The following DGKI variants were observed in gnomAD, a reference collection of about 807,000 sequenced individuals.
DGKI encodes diacylglycerol kinase iota.
In DGKI, 55 loss-of-function variants were observed where a neutral mutation model predicts 147.5. That is an observed-to-expected ratio of 0.37 (90% CI 0.30 to 0.47). The LOEUF (loss-of-function observed/expected upper bound fraction) is 0.47. DGKI is among the 20% of genes least tolerant of loss of function. The pLI is 1.00. For synonymous variants in DGKI, 469 were observed against 477.1 expected, an observed-to-expected ratio of 0.98 and a Z score of 0.22; for missense variants, 1,007 against 1,323.8, an observed-to-expected ratio of 0.76 and a Z score of 3.71.
chr7:137,535,802 C>T (rs1817498534), intron 20 of DGKI, among the ~76,000 whole-genome samples: 1 of 152,118 alleles, frequency 6.6e-6, no homozygotes, highest in African/African-American at 2.4e-5. Context: ...GATTGCCGAG[C>T]TCTGGGTGGA....
At chr7:137,401,463 C>T (rs1811758013) in intron 30 of DGKI, among the ~76,000 whole-genome samples, 1 of 151,830 alleles carries the variant, frequency 6.6e-6, no homozygotes, top group African/African-American at 2.4e-5. Context: ...CCCAGGAGAT[C>T]AAAGTTACAG....
intron 1 of DGKI, among the ~76,000 whole-genome samples, chr7:137,752,042 C>T (rs928973743): frequency 2.0e-5 from 3 of 152,164 alleles, no homozygotes; most frequent in Admixed American, 1.3e-4. Context: ...CATACAATCA[C>T]TACATTTCAG....
intron 1 of DGKI, among the ~76,000 whole-genome samples, chr7:137,710,869 C>T (rs891621381): frequency 1.3e-5 from 2 of 152,030 alleles, no homozygotes; most frequent in Non-Finnish European, 2.9e-5. Flanking sequence ...ATGTTTTCTA[C>T]AACTAATAGA....
chr7:137,631,487 C>T (rs1488173884), intron 6 of DGKI, among the ~76,000 whole-genome samples: 1 of 152,068 alleles, frequency 6.6e-6, no homozygotes, highest in Non-Finnish European at 1.5e-5. Flanking sequence ...GGTGAAGAGG[C>T]TGCTAAGAGT....
Position 137,507,491 on chromosome 7 carries a change from A to T in DGKI, c.2248+14375T>A, listed in dbSNP as rs996161182. ...AACATAAGGAACATGCAACTCACTTAAAAAAAATCCTCTTAAATGCTTATG... is the reference window on the plus strand; with the variant it reads ...AACATAAGGAACATGCAACTCACTTTAAAAAAATCCTCTTAAATGCTTATG... On this transcript the variant is annotated intron_variant, in intron 21 of 32. Coordinates refer to ENST00000614521, the MANE Select transcript of DGKI (RefSeq NM_001321708.2). Among the ~76,000 whole-genome samples, 75 of 152,174 alleles carry T rather than the reference A, an allele frequency of 4.9e-4. 1 individual carries two copies. Among genetic ancestry groups the T allele is most frequent in the Middle Eastern group, 3.4e-3 (1 of 294 alleles).
rs755141378 is a variant in DGKI at position 137,444,121 on chromosome 7, C to T, written c.2736-19G>A. On this transcript the variant is annotated intron_variant, in intron 27 of 32. Coordinates refer to ENST00000614521, the MANE Select transcript of DGKI (RefSeq NM_001321708.2). ...TGGTGACCTAAAAGGAAATAATAAG[C>T]ATGATCAATATTTTATATGATAATT... is the stretch of plus-strand genomic sequence containing the variant. 7.3e-7 allele frequency: 1 copy of T among 1,368,696 alleles called. No homozygotes were observed. The highest frequency in any genetic ancestry group is 1.0e-6 in the Non-Finnish European group (1 of 988,642). The allele number at this position is 1,368,696 out of a possible 1,614,324, so 84.8% of individuals were successfully genotyped here.
At chr7:137,755,082 A>G (rs564903738) in intron 1 of DGKI, among the ~76,000 whole-genome samples, 7 of 152,194 alleles carry the variant, frequency 4.6e-5, no homozygotes, top group African/African-American at 1.4e-4. Flanking sequence ...TGCTCACACA[A>G]TTACATATGT....
intron 21 of DGKI, chr7:137,513,927 G>A (rs931417223): frequency 1.0e-5 from 8 of 798,458 alleles, no homozygotes; most frequent in African/African-American, 3.4e-5. Context: ...TGAGGCAGAG[G>A]TCCAAGTAAA....
chr7:137,502,267 T>A (rs1251582421), intron 21 of DGKI, among the ~76,000 whole-genome samples: 1 of 152,126 alleles, frequency 6.6e-6, no homozygotes, highest in Non-Finnish European at 1.5e-5. Flanking sequence ...CGTGAGTGAA[T>A]CATACTCCAC....
intron 1 of DGKI, among the ~76,000 whole-genome samples, chr7:137,754,550 C>T (rs567117447): frequency 1.3e-5 from 2 of 152,182 alleles, no homozygotes; most frequent in Non-Finnish European, 2.9e-5. Context: ...TGTCACTGTG[C>T]GACCTCTGCC....
intron 12 of DGKI, among the ~76,000 whole-genome samples, chr7:137,594,741 CAATT>C (rs1452604083): frequency 6.6e-6 from 1 of 152,166 alleles, no homozygotes; most frequent in Non-Finnish European, 1.5e-5. Context: ...CCTCCGCCCA[CAATT>C]AAAAGTTTCA....
At chr7:137,638,493 C>CAT (rs1289071291) in intron 6 of DGKI, among the ~76,000 whole-genome samples, 1 of 109,458 alleles carries the variant, frequency 9.1e-6, no homozygotes, top group South Asian at 2.6e-4. Context: ...TATATACACA[C>CAT]ATATATATGT....
chr7:137,572,909 T>C, intron 17 of DGKI, 71 bp from the exon 18 acceptor site: 1 of 1,119,952 alleles, frequency 8.9e-7, no homozygotes, highest in Non-Finnish European at 1.3e-6. Flanking sequence ...AGATAACTAG[T>C]TTGACAATAG....
intron 1 of DGKI, chr7:137,843,437 G>C (rs1206044351): frequency 1.0e-6 from 1 of 985,176 alleles, no homozygotes; most frequent in Non-Finnish European, 1.2e-6. Context: ...AGTCGACAGA[G>C]ACTATTTGCT....
At chr7:137,489,195 A>G (rs1331970994) in intron 21 of DGKI, among the ~76,000 whole-genome samples, 2 of 152,152 alleles carry the variant, frequency 1.3e-5, no homozygotes, top group Non-Finnish European at 1.5e-5. Context: ...CACTTCCCCA[A>G]TGCCTAGTAA....
chr7:137,539,124 C>A (rs1817609000), intron 20 of DGKI, among the ~76,000 whole-genome samples: 1 of 152,212 alleles, frequency 6.6e-6, no homozygotes, highest in South Asian at 2.1e-4. Flanking sequence ...AATGACAAAG[C>A]CTTCTGGCAC....
intron 23 of DGKI, among the ~76,000 whole-genome samples, chr7:137,480,514 T>C (rs1585156257): frequency 6.6e-6 from 1 of 151,976 alleles, no homozygotes; most frequent in African/African-American, 2.4e-5. Flanking sequence ...CATAGGCTGG[T>C]CCTCCAGAAG....
chr7:137,652,954 A>C (rs1158092131), intron 5 of DGKI, among the ~76,000 whole-genome samples: 1 of 152,176 alleles, frequency 6.6e-6, no homozygotes, highest in East Asian at 1.9e-4. Context: ...CATAAGCTCC[A>C]AACTCATATA....
At chr7:137,753,734 T>C (rs1454503833) in intron 1 of DGKI, among the ~76,000 whole-genome samples, 2 of 152,138 alleles carry the variant, frequency 1.3e-5, no homozygotes, top group African/African-American at 2.4e-5. Flanking sequence ...AGGGGTGATC[T>C]ATGAGGCTAC....
Sources: gnomAD v4.1 joint callset for allele counts (sites outside exome capture counted in the v4.1 genomes callset) on GRCh38, gnomAD v4.1.1 for gene constraint, MANE v1.5 for transcripts, NCBI Gene and HGNC (gene_info 2026-07-23, HGNC 2026-07-21) for gene names.